NEK10: variants seen among roughly 807,000 people sequenced by gnomAD.
The protein encoded by NEK10 is NIMA related kinase 10.
A neutral mutation model predicts 159.8 loss-of-function variants in NEK10; 122 were observed. The ratio of observed to expected loss-of-function variants is 0.76; its 90% CI spans 0.66 to 0.89. NEK10 has a LOEUF of 0.89. NEK10 is among the 40% of genes least tolerant of loss of function. The pLI is 0.00. For synonymous variants in NEK10, 466 were observed against 457.1 expected, an observed-to-expected ratio of 1.02 and a Z score of -0.25; for missense variants, 1,342 against 1,323.1, an observed-to-expected ratio of 1.01 and a Z score of -0.22.
intron 1 of NEK10, among the ~76,000 whole-genome samples, chr3:27,361,933 G>A (rs1277778448): frequency 6.6e-6 from 1 of 152,110 alleles, no homozygotes; most frequent in Non-Finnish European, 1.5e-5. Context: ...CAATGTGTGT[G>A]GGAAATCATA....
chr3:27,341,754 T>A (rs2047216811), intron 5 of NEK10, among the ~76,000 whole-genome samples: 1 of 152,094 alleles, frequency 6.6e-6, no homozygotes, highest in African/African-American at 2.4e-5. Flanking sequence ...CAAATGTGAT[T>A]TAGGGAAAAG....
intron 8 of NEK10, 41 bp downstream of exon 8, chr3:27,312,058 C>G (rs370093743): frequency 4.6e-6 from 6 of 1,316,680 alleles, no homozygotes; most frequent in Non-Finnish European, 6.6e-6. Flanking sequence ...CTTTTTCTAG[C>G]AAGTCCACAA....
Position 27,284,561 on chromosome 3 carries a change from A to G in NEK10, c.2014+41T>C, listed in dbSNP as rs754219213. ...ACACTACTACTCTAGGATAGTATTCAGGAATTCTTCAGTTAAAAGTTTAAA... is the reference window on the plus strand; with the variant it reads ...ACACTACTACTCTAGGATAGTATTCGGGAATTCTTCAGTTAAAAGTTTAAA... On this transcript the variant is annotated intron_variant, in intron 22 of 35. Coordinates refer to ENST00000691995, the MANE Select transcript of NEK10 (RefSeq NM_001394966.1). 6.3e-6 allele frequency: 7 copies of G among 1,111,542 alleles called. No individual in the cohort carries two copies. The African/African-American group carries it at 1.1e-4, about 17-fold the overall frequency. 68.9% of individuals were successfully genotyped at this position (1,111,542 alleles called of 1,614,324 possible).
At chr3:27,309,281 T>C (rs185708712) in intron 9 of NEK10, 166 of 198,808 alleles carry the variant, frequency 8.3e-4, no homozygotes, top group African/African-American at 3.5e-3. Context: ...GCATTAAATA[T>C]ATCTTTATAA....
At position 27,141,467 on chromosome 3, in the gene NEK10, AG is replaced by A; in HGVS notation, c.2970+14del. On this transcript the variant is annotated intron_variant, in intron 31 of 35. Transcript: ENST00000691995. ...CATTTAAGATGAAAAGGAAATAAAA[AG>A]CTAGAACACTGACCTGTGTGATATA... 6.4e-7 allele frequency: 1 copy of A among 1,563,472 alleles called. No individual in the cohort carries two copies.
intron 32 of NEK10, among the ~76,000 whole-genome samples, chr3:27,126,672 T>C (rs1026835492): frequency 6.6e-6 from 1 of 152,054 alleles, no homozygotes; most frequent in Non-Finnish European, 1.5e-5. Flanking sequence ...CCCCAGATGA[T>C]TGATATAAAC....
At chr3:27,206,891 T>C (rs1171519234) in intron 23 of NEK10, among the ~76,000 whole-genome samples, 1 of 152,154 alleles carries the variant, frequency 6.6e-6, no homozygotes, top group East Asian at 1.9e-4. Context: ...CCCTGGGAGA[T>C]ATCTTAAAGC....
intron 1 of NEK10, 132 bp from the exon 2 acceptor site, chr3:27,353,051 A>G (rs2048082778): frequency 1.7e-6 from 1 of 588,796 alleles, no homozygotes. Context: ...TAATACAATA[A>G]TAAAAGTGTT....
rs566150111 is a variant in NEK10, at chr3:27,189,863, A to G, written c.2505+2166T>C. ...AGCAGGAATATAAACTTTGCTTTGA[A>G]GTAAAGCATTTCTCTATGGTCCATA... On this transcript the variant is annotated intron_variant, in intron 26 of 35. Transcript: ENST00000691995. 6.6e-5 allele frequency among the ~76,000 whole-genome samples: 10 copies of G among 152,280 alleles called. No individual in the cohort carries two copies. In the South Asian group the frequency reaches 2.1e-3, roughly 32 times the overall value.
At position 27,189,665 on chromosome 3, in the gene NEK10, G is replaced by A. The variant is rs115853711; in HGVS notation, c.2505+2364C>T. Among the ~76,000 whole-genome samples the A allele has an allele frequency of 8.0e-3, 1,212 of 152,126 alleles. 5 individuals are homozygous for A. The highest frequency in any genetic ancestry group is 0.013 in the Non-Finnish European group (870 of 67,940). ...AAAAATAATAATTGGTCCCCACTGAGAAAAATGCCAATTAACTGCATACTG... is the reference window on the plus strand; with the variant it reads ...AAAAATAATAATTGGTCCCCACTGAAAAAAATGCCAATTAACTGCATACTG... On this transcript the variant is annotated intron_variant, in intron 26 of 35. Transcript: ENST00000691995.
At chr3:27,344,565 TAAG>T in intron 4 of NEK10, among the ~76,000 whole-genome samples, 195 bp from the exon 5 acceptor site, 1 of 152,330 alleles carries the variant, frequency 6.6e-6, no homozygotes. Flanking sequence ...GCTGTTAAAA[TAAG>T]AAGTAGAAAT....
At chr3:27,299,654 C>G (rs139276764) in intron 13 of NEK10, among the ~76,000 whole-genome samples, 1 of 152,158 alleles carries the variant, frequency 6.6e-6, no homozygotes, top group South Asian at 2.1e-4. Flanking sequence ...TGAAAGCAGC[C>G]GAGAGGGAAG....
At chr3:27,299,784 T>A (rs911905161) in intron 13 of NEK10, among the ~76,000 whole-genome samples, 5 of 152,202 alleles carry the variant, frequency 3.3e-5, no homozygotes, top group African/African-American at 1.2e-4. Context: ...AGCTTTAAGA[T>A]TTGACTGCCC....
At chr3:27,187,190 G>T (rs1017227455) in intron 26 of NEK10, among the ~76,000 whole-genome samples, 1 of 152,154 alleles carries the variant, frequency 6.6e-6, no homozygotes, top group Non-Finnish European at 1.5e-5. Flanking sequence ...TCTAAGTTCA[G>T]CAGGGGCCAA....
intron 30 of NEK10, among the ~76,000 whole-genome samples, chr3:27,141,968 G>C (rs1943829752): frequency 6.6e-6 from 1 of 151,984 alleles, no homozygotes; most frequent in Non-Finnish European, 1.5e-5. Flanking sequence ...AATTCATTAT[G>C]CCTTCCATAA....
chr3:27,322,534 TCAAA>T (rs1215698099), intron 5 of NEK10, among the ~76,000 whole-genome samples: 1 of 152,154 alleles, frequency 6.6e-6, no homozygotes, highest in Non-Finnish European at 1.5e-5. Flanking sequence ...TACCCTAAGA[TCAAA>T]CGAAAGAGCT....
At position 27,109,843 on chromosome 3, in the gene NEK10, T is replaced by C. The variant is rs1029767727; in HGVS notation, c.*1429A>G. Among the ~76,000 whole-genome samples, 8 of 152,338 alleles carry C rather than the reference T, an allele frequency of 5.3e-5. No individual in the cohort carries two copies. The highest frequency in any genetic ancestry group is 1.9e-4 in the African/African-American group (8 of 41,590). ...ATCTATTATCTTACATTACAGTGTA[T>C]CTGTAATTGTTAATTTGGCTTAAAG... On this transcript the variant is annotated 3_prime_UTR_variant, in exon 36 of 36. Transcript: ENST00000691995.
At chr3:27,276,752 T>C (rs1429894557) in intron 22 of NEK10, among the ~76,000 whole-genome samples, 1 of 152,118 alleles carries the variant, frequency 6.6e-6, no homozygotes, top group East Asian at 1.9e-4. Flanking sequence ...TAATTCTAGG[T>C]CCCAAATAAC....
rs1940329334 is a variant in NEK10, at chr3:27,115,826, T to C, written c.3299+114A>G. Reference sequence around the variant, plus strand: ...TAAGCCAAGATATTTTATAAAAGTATTTAAAATAAAATCTGAAAAAAAATC... The same window carrying C: ...TAAGCCAAGATATTTTATAAAAGTACTTAAAATAAAATCTGAAAAAAAATC... On this transcript the variant is annotated intron_variant, in intron 35 of 35. Transcript: ENST00000691995. 3 of 741,520 alleles carry C rather than the reference T, an allele frequency of 4.0e-6. No individual in the cohort carries two copies. The Admixed American group carries it at 8.5e-5, about 21-fold the overall frequency. 45.9% of individuals were successfully genotyped at this position (741,520 alleles called of 1,614,324 possible). A position where few individuals can be genotyped will look rare whatever the true frequency, so the allele number is the denominator to read the frequency against.
Sources: gnomAD v4.1 joint callset for allele counts (sites outside exome capture counted in the v4.1 genomes callset) on GRCh38, gnomAD v4.1.1 for gene constraint, MANE v1.5 for transcripts, NCBI Gene and HGNC (gene_info 2026-07-23, HGNC 2026-07-21) for gene names.